Variants in EPM2A observed in about 807,000 individuals in gnomAD.
EPM2A encodes the protein EPM2A glucan phosphatase, laforin, also known as laforin.
A neutral mutation model predicts 26.5 loss-of-function variants in EPM2A; 21 were observed. That is an observed-to-expected ratio of 0.79 (90% confidence interval 0.56 to 1.14). EPM2A has a LOEUF of 1.14. Ranked by LOEUF, EPM2A falls within the 50% of genes most tolerant of loss-of-function variation. The probability of loss-of-function intolerance (pLI) is 0.00; values close to 1 mark genes in which losing one functional copy is unlikely to be tolerated. For missense variants in EPM2A, 458 were observed against 440.8 expected, an observed-to-expected ratio of 1.04 and a Z score of -0.35; for synonymous variants, 217 against 177.6, an observed-to-expected ratio of 1.22 and a Z score of -1.76.
At chr6:145,685,938 C>A (rs1256956788) in intron 2 of EPM2A, among the ~76,000 whole-genome samples, 184 bp downstream of exon 2, 1 of 152,102 alleles carries the variant, frequency 6.6e-6, no homozygotes, top group Non-Finnish European at 1.5e-5. Flanking sequence ...TTTTTAAAAT[C>A]CTCCACATCT....
At chr6:145,726,102 T>G (rs1417538335) in intron 1 of EPM2A, among the ~76,000 whole-genome samples, 7 of 151,900 alleles carry the variant, frequency 4.6e-5, no homozygotes, top group Non-Finnish European at 8.8e-5. Flanking sequence ...TAAAAGATGA[T>G]CTCAGAGCAC....
chr6:145,574,855 C>A (rs1260266520), intron 2 of EPM2A, among the ~76,000 whole-genome samples: 1 of 152,204 alleles, frequency 6.6e-6, no homozygotes, highest in Non-Finnish European at 1.5e-5. Flanking sequence ...TGATCCAACT[C>A]TATGTTCCTT....
chr6:145,650,576 T>C (rs1777818165), intron 2 of EPM2A, among the ~76,000 whole-genome samples: 1 of 152,090 alleles, frequency 6.6e-6, no homozygotes, highest in Non-Finnish European at 1.5e-5. Flanking sequence ...TTAGATGTCC[T>C]TTATAATTAC....
intron 4 of EPM2A, among the ~76,000 whole-genome samples, chr6:145,447,001 A>G (rs6900205): frequency 0.64 from 97,721 of 151,936 alleles, 32,938 homozygotes; most frequent in East Asian, 0.86. Context: ...CATATTTTAC[A>G]TTATGCTGCA....
chr6:145,597,617 G>C (rs1402602717), intron 2 of EPM2A, among the ~76,000 whole-genome samples: 1 of 151,684 alleles, frequency 6.6e-6, no homozygotes, highest in Admixed American at 6.6e-5. Context: ...TACATGTGAA[G>C]GTTTGTTACA....
chr6:145,666,943 G>C (rs1343505030), intron 2 of EPM2A, among the ~76,000 whole-genome samples: 1 of 134,586 alleles, frequency 7.4e-6, no homozygotes. Flanking sequence ...AATGGTGCTG[G>C]GAAAACTGGC....
At chr6:145,619,515 G>A (rs1424362555) in intron 2 of EPM2A, among the ~76,000 whole-genome samples, 1 of 152,206 alleles carries the variant, frequency 6.6e-6, no homozygotes, top group Admixed American at 6.5e-5. Flanking sequence ...TACCTTATGA[G>A]GGGATGCAGT....
At chr6:145,455,269 GAATA>G (rs1402667985) in intron 4 of EPM2A, among the ~76,000 whole-genome samples, 31 of 149,346 alleles carry the variant, frequency 2.1e-4, no homozygotes, top group African/African-American at 7.6e-4. Context: ...ATTCATAAGT[GAATA>G]AATAGTGCTT....
intron 4 of EPM2A, among the ~76,000 whole-genome samples, chr6:145,471,853 AAGGCTGAACT>A (rs1340889351): frequency 6.6e-6 from 1 of 152,062 alleles, no homozygotes; most frequent in East Asian, 1.9e-4. Context: ...GGTAAGTCCT[AAGGCTGAACT>A]AGGCCCAAAG....
intron 4 of EPM2A, among the ~76,000 whole-genome samples, chr6:145,460,603 T>C (rs988583247): frequency 6.6e-6 from 1 of 151,980 alleles, no homozygotes; most frequent in Admixed American, 6.6e-5. Flanking sequence ...CCTTCCTCCC[T>C]TACTTCCTTC....
chr6:145,403,404 C>T lies in EPM2A; in HGVS notation c.556-19307G>A, dbSNP rs569685524. Among the ~76,000 whole-genome samples the T allele has an allele frequency of 1.1e-4, 16 of 150,746 alleles. No homozygotes were observed. The South Asian group carries it at 3.4e-3, about 32-fold the overall frequency. ...ACCCCCTCCCCCCAACCACCACCCCCTGATGCCCCTGCTCTACACTACCCT... is the reference window on the plus strand; with the variant it reads ...ACCCCCTCCCCCCAACCACCACCCCTTGATGCCCCTGCTCTACACTACCCT... On this transcript the variant is annotated intron_variant, in intron 4 of 4. Coordinates refer to the EPM2A transcript ENST00000638717.
chr6:145,473,453 A>G (rs1202175304), intron 4 of EPM2A, among the ~76,000 whole-genome samples: 1 of 152,096 alleles, frequency 6.6e-6, no homozygotes, highest in Admixed American at 6.6e-5. Context: ...GTTATTGACC[A>G]TATATAGAGG....
intron 4 of EPM2A, among the ~76,000 whole-genome samples, chr6:145,437,089 C>T (rs1328582831): frequency 6.6e-6 from 1 of 152,084 alleles, no homozygotes; most frequent in Non-Finnish European, 1.5e-5. Flanking sequence ...ATTGTCATCT[C>T]CACGTGTTGA....
At chr6:145,525,882 TA>T (rs1490112219) in intron 2 of EPM2A, among the ~76,000 whole-genome samples, 1 of 151,358 alleles carries the variant, frequency 6.6e-6, no homozygotes, top group Non-Finnish European at 1.5e-5. Flanking sequence ...TTCTCAATGG[TA>T]ATGTATCCAC....
rs76383329 is a variant in EPM2A, at chr6:145,734,790, G to A, written c.301+408C>T. On this transcript the variant is annotated intron_variant, in intron 1 of 3. Coordinates refer to ENST00000367519, the MANE Select transcript of EPM2A (RefSeq NM_005670.4). ...GCGCGGCCGGGCAGCCAAGGGACCC[G>A]CGAAGGGGGGGACTCGGAGGTCGAG... 778 of 153,400 alleles carry A rather than the reference G, an allele frequency of 5.1e-3. 7 individuals are homozygous for A. Among genetic ancestry groups the A allele is most frequent in the African/African-American group, 0.018 (740 of 41,534 alleles). 9.5% of individuals were successfully genotyped at this position (153,400 alleles called of 1,614,324 possible).
At chr6:145,583,815 C>G (rs1356232480) in intron 2 of EPM2A, among the ~76,000 whole-genome samples, 1 of 152,256 alleles carries the variant, frequency 6.6e-6, no homozygotes, top group African/African-American at 2.4e-5. Flanking sequence ...TCCGTGCACA[C>G]ATTTGCACCA....
chr6:145,582,098 A>C (rs1323648997), intron 2 of EPM2A, among the ~76,000 whole-genome samples: 2 of 152,012 alleles, frequency 1.3e-5, no homozygotes, highest in Admixed American at 1.3e-4. Flanking sequence ...TTTCCTCTTC[A>C]CATTGCTTTT....
chr6:145,729,665 T>C (rs991860300), intron 1 of EPM2A, among the ~76,000 whole-genome samples: 20 of 152,308 alleles, frequency 1.3e-4, no homozygotes, highest in Middle Eastern at 3.4e-3. Flanking sequence ...GGTTTTGATT[T>C]TACAGGCTCC....
At chr6:145,620,280 T>C (rs1582902793) in intron 2 of EPM2A, among the ~76,000 whole-genome samples, 1 of 152,306 alleles carries the variant, frequency 6.6e-6, no homozygotes, top group South Asian at 2.1e-4. Context: ...ATCCCTCGCA[T>C]GTGCAGTTCA....
Sources: gnomAD v4.1 joint callset for allele counts (sites outside exome capture counted in the v4.1 genomes callset) on GRCh38, gnomAD v4.1.1 for gene constraint, MANE v1.5 for transcripts, NCBI Gene and HGNC (gene_info 2026-07-23, HGNC 2026-07-21) for gene names.